The following EIF2A variants were observed in gnomAD, a reference collection of about 807,000 sequenced individuals.
EIF2A encodes the protein eukaryotic translation initiation factor 2A, also known as 65 kDa eukaryotic translation initiation factor 2A.
A neutral mutation model predicts 75.2 loss-of-function variants in EIF2A; 62 were observed. The observed-to-expected ratio is 0.82, with a 90% CI of 0.67 to 1.02. The LOEUF (loss-of-function observed/expected upper bound fraction) is 1.02, where lower values mean the gene tolerates loss of function less well. EIF2A is among the 50% of genes least tolerant of loss of function. The pLI, the probability that EIF2A is intolerant of heterozygous loss-of-function variation, is 0.00. For missense variants in EIF2A, 611 were observed against 677.7 expected, an observed-to-expected ratio of 0.90 and a Z score of 1.09; for synonymous variants, 207 against 239.0, an observed-to-expected ratio of 0.87 and a Z score of 1.23.
intron 2 of EIF2A, 129 bp downstream of exon 2, chr3:150,552,554 C>A: frequency 1.4e-6 from 1 of 699,164 alleles, no homozygotes; most frequent in African/African-American, 1.8e-5. Context: ...ATAATATTTA[C>A]CGAAGATGAA....
At chr3:150,582,006 A>G (rs751513395) in intron 12 of EIF2A, among the ~76,000 whole-genome samples, 20 of 150,786 alleles carry the variant, frequency 1.3e-4, no homozygotes, top group Non-Finnish European at 2.7e-4. Context: ...TATACTGAAC[A>G]CTTTTTTTTT....
rs529430240 is a variant in EIF2A, at chr3:150,577,136, C to T, written c.1497+1374C>T. On this transcript the variant is annotated intron_variant, in intron 11 of 13. Coordinates refer to ENST00000460851, the MANE Select transcript of EIF2A (RefSeq NM_032025.5). ...TGGCACCTTCTTTCTGTGTGTCCTC[C>T]CATGGTGGAAGGGGCAGTGGAGCTC... Among the ~76,000 whole-genome samples the T allele has an allele frequency of 1.5e-4, 23 of 152,252 alleles. No individual in the cohort carries two copies. The South Asian group carries it at 3.9e-3, about 26-fold the overall frequency.
intron 1 of EIF2A, among the ~76,000 whole-genome samples, chr3:150,550,685 C>G (rs1723273986): frequency 6.6e-6 from 1 of 152,124 alleles, no homozygotes. Flanking sequence ...AACCTCGTCT[C>G]TACAAGAAAT....
chr3:150,584,906 T>C lies in EIF2A; in HGVS notation c.*995T>C, dbSNP rs928742572. Among the ~76,000 whole-genome samples, 2 of 152,026 alleles carry C rather than the reference T, an allele frequency of 1.3e-5. No individual in the cohort carries two copies. Among genetic ancestry groups the C allele is most frequent in the African/African-American group, 4.8e-5 (2 of 41,390 alleles). ...TTCTAATTCAAAAAATACAAAGGCATGCAATGAAAATTAAGTCTGTTCCAC... is the reference window on the plus strand; with the variant it reads ...TTCTAATTCAAAAAATACAAAGGCACGCAATGAAAATTAAGTCTGTTCCAC... On this transcript the variant is annotated 3_prime_UTR_variant, in exon 14 of 14. Transcript: ENST00000460851.
Position 150,581,808 on chromosome 3 carries a change from A to T in EIF2A, c.1626+62A>T, listed in dbSNP as rs1725198296. On this transcript the variant is annotated intron_variant, in intron 12 of 13. Transcript: ENST00000460851. ...TATACATGAAAATTATATAAGTAAG[A>T]GAGTACTTAGATGCCTAAAGACAGG... The T allele has an allele frequency of 4.6e-6, 7 of 1,524,586 alleles. No homozygotes were observed. In the East Asian group the frequency reaches 1.7e-4, roughly 37 times the overall value. 94.4% of individuals were successfully genotyped at this position (1,524,586 alleles called of 1,614,324 possible).
Position 150,575,719 on chromosome 3 carries a change from T to A in EIF2A, c.1454T>A (p.Leu485His), listed in dbSNP as rs765416882. ...GNDKPLSKTA[L>H]KNQRKHEAKK... ...GATAAGCCATTATCAAAAACAGCTC[T>A]TAAAAATCAAAGGAAGCATGAAGCT... The change falls in exon 11 of 14, where the codon CTT becomes CAT. Residue 485 changes from leucine to histidine, a missense_variant. By Grantham distance (99) the Leu-to-His change is moderately conservative. Transcript: ENST00000460851. 8 of 1,613,118 alleles carry A rather than the reference T, an allele frequency of 5.0e-6. 1 individual carries two copies. In the South Asian group the frequency reaches 8.8e-5, roughly 18 times the overall value.
chr3:150,568,265 A>T lies in EIF2A; in HGVS notation c.784A>T (p.Asn262Tyr). Residue 262 changes from asparagine (N) to tyrosine (Y), a missense_variant, in exon 9 of 14, where the codon AAT (asparagine) becomes TAT (tyrosine). Asn to Tyr is a moderately radical substitution (Grantham distance 143). Coordinates refer to ENST00000460851, the MANE Select transcript of EIF2A (RefSeq NM_032025.5). The stretch of plus-strand genomic sequence containing the variant: ...ACAAACTCTACACTACATTGCAACA[A>T]ATGGAGAAAGTGCTGTAGTGCAATT... ...GEQTLHYIATNGESAVVQLPK... is the reference protein window; with the variant it reads ...GEQTLHYIATYGESAVVQLPK... 1.2e-6 allele frequency: 2 copies of T among 1,613,226 alleles called. No individual in the cohort carries two copies. The highest frequency in any genetic ancestry group is 1.7e-6 in the Non-Finnish European group (2 of 1,179,616).
At chr3:150,561,420 A>G (rs1723845109) in intron 3 of EIF2A, among the ~76,000 whole-genome samples, 1 of 152,174 alleles carries the variant, frequency 6.6e-6, no homozygotes, top group Admixed American at 6.5e-5. Context: ...TCTACCAAAA[A>G]TACAAAAATT....
chr3:150,580,861 T>C (rs1020736021), intron 11 of EIF2A, among the ~76,000 whole-genome samples: 3 of 152,176 alleles, frequency 2.0e-5, no homozygotes, highest in Non-Finnish European at 2.9e-5. Flanking sequence ...GTGGATACAC[T>C]GGATAAAAGA....
chr3:150,578,551 A>T (rs1725002458), intron 11 of EIF2A, among the ~76,000 whole-genome samples: 1 of 151,968 alleles, frequency 6.6e-6, no homozygotes. Flanking sequence ...TTATATGTTT[A>T]TACCTGTCAG....
rs368052752 is a variant in EIF2A at position 150,571,402 on chromosome 3, A to T, written c.812-556A>T. The stretch of plus-strand genomic sequence containing the variant: ...TGATCTGCCCACCTTGGCCTCCCAA[A>T]GTCCTGGGATTACAGGCGTGAGCCA... On this transcript the variant is annotated intron_variant, in intron 9 of 13. Transcript: ENST00000460851. Among the ~76,000 whole-genome samples the T allele has an allele frequency of 1.3e-3, 200 of 152,266 alleles. 4 individuals carry two copies. The East Asian group carries it at 0.018, about 13-fold the overall frequency.
At chr3:150,553,150 T>C (rs564316710) in intron 2 of EIF2A, among the ~76,000 whole-genome samples, 2 of 152,112 alleles carry the variant, frequency 1.3e-5, no homozygotes, top group East Asian at 3.9e-4. Context: ...AAACCCCATC[T>C]CGGCTAAAAA....
intron 7 of EIF2A, 30 bp from the exon 8 acceptor site, chr3:150,567,872 T>G: frequency 6.3e-7 from 1 of 1,580,334 alleles, no homozygotes; most frequent in Non-Finnish European, 8.6e-7. Flanking sequence ...TTCAAAAAAT[T>G]AAGTAATGAT....
intron 1 of EIF2A, 28 bp downstream of exon 1, chr3:150,546,858 C>T (rs1723060166): frequency 6.2e-7 from 1 of 1,610,754 alleles, no homozygotes; most frequent in Non-Finnish European, 8.5e-7. Context: ...GAGGGACTCT[C>T]TTTCTTCAGA....
intron 1 of EIF2A, chr3:150,547,090 G>A (rs1436388356): frequency 3.6e-6 from 2 of 550,806 alleles, no homozygotes; most frequent in Non-Finnish European, 6.5e-6. Flanking sequence ...AATAGAAGAA[G>A]GGGGAGAAAA....
chr3:150,558,179 G>A (rs1723664865), intron 2 of EIF2A, among the ~76,000 whole-genome samples: 2 of 152,150 alleles, frequency 1.3e-5, no homozygotes, highest in Non-Finnish European at 2.9e-5. Context: ...AAATCCATCT[G>A]TTAGTATGAA....
chr3:150,567,796 T>G (rs1724268778), intron 7 of EIF2A, 30 bp downstream of exon 7: 4 of 1,571,042 alleles, frequency 2.5e-6, no homozygotes, highest in Non-Finnish European at 2.6e-6. Flanking sequence ...ATGTGTAATA[T>G]TATGTGTTTA....
chr3:150,547,333 A>G (rs1723094663), intron 1 of EIF2A, among the ~76,000 whole-genome samples: 4 of 152,224 alleles, frequency 2.6e-5, no homozygotes, highest in Admixed American at 2.6e-4. Context: ...GCAGGTTTCA[A>G]ATGATGAAGG....
At chr3:150,568,979 A>C (rs1043073470) in intron 9 of EIF2A, among the ~76,000 whole-genome samples, 5 of 152,222 alleles carry the variant, frequency 3.3e-5, no homozygotes, top group Admixed American at 1.3e-4. Flanking sequence ...AAAACTTTAA[A>C]ATAATAGTTT....
Sources: allele counts gnomAD v4.1 joint callset (sites outside exome capture counted in the v4.1 genomes callset), GRCh38; gene constraint gnomAD v4.1.1; transcripts MANE v1.5; gene names NCBI Gene and HGNC (gene_info 2026-07-23, HGNC 2026-07-21).